Variants in CIZ1 observed in about 807,000 individuals in gnomAD.
The protein encoded by CIZ1 is cip1-interacting zinc finger protein.
CIZ1 carries 58 observed loss-of-function variants against 118.6 expected under a neutral mutation model. The observed-to-expected ratio is 0.49, with a 90% CI of 0.40 to 0.61. CIZ1 has a LOEUF of 0.61. Among genes scored for constraint, CIZ1 ranks in the 20% least tolerant of loss-of-function variants. The pLI, the probability that CIZ1 is intolerant of heterozygous loss-of-function variation, is 0.00. For synonymous variants in CIZ1, 448 were observed against 443.4 expected, an observed-to-expected ratio of 1.01 and a Z score of -0.13; for missense variants, 921 against 1,115.9, an observed-to-expected ratio of 0.83 and a Z score of 2.49.
chr9:128,188,246 G>A lies in CIZ1; in HGVS notation c.287-312C>T, dbSNP rs571768080. On this transcript the variant is annotated intron_variant, in intron 3 of 16. Coordinates refer to ENST00000372938, the MANE Select transcript of CIZ1 (RefSeq NM_001131016.2). Reference sequence around the variant, plus strand: ...CAGATGATCAAATCCTATGGTAAACGATCATGCCATTCTATTCAGTGACAA... The same window carrying A: ...CAGATGATCAAATCCTATGGTAAACAATCATGCCATTCTATTCAGTGACAA... Among the ~76,000 whole-genome samples the A allele has an allele frequency of 6.6e-5, 10 of 151,872 alleles. No homozygotes were observed. The South Asian group carries it at 1.7e-3, about 25-fold the overall frequency.
intron 14 of CIZ1, chr9:128,167,512 A>G: frequency 4.6e-6 from 1 of 219,532 alleles, no homozygotes; most frequent in Non-Finnish European, 9.0e-6. Flanking sequence ...ACTAAGAAGA[A>G]ACTGAGGCCC....
At chr9:128,191,655 C>T (rs1288070808), upstream of CIZ1, 9 of 1,245,038 alleles carry the variant, frequency 7.2e-6, no homozygotes, top group East Asian at 2.9e-4. The surrounding 1 kb of genome is among the most constrained non-coding windows in gnomAD (Gnocchi z 5.5). Flanking sequence ...CCACCCGAGC[C>T]CGCCCAGTGC....
intron 5 of CIZ1, among the ~76,000 whole-genome samples, chr9:128,184,339 CA>C (rs1441578487): frequency 6.6e-6 from 1 of 152,098 alleles, no homozygotes; most frequent in Admixed American, 6.5e-5. Flanking sequence ...ATATTGATGA[CA>C]GGTCGAAATG....
At position 128,203,737 on chromosome 9, in the gene CIZ1, C is replaced by A; in HGVS notation, c.-6+449G>T. ...CGACCTCGCAGCCCCCGACGCTGCA[C>A]CCGCGGCCGGCGCGCCCCCCACCCC... is the stretch of plus-strand genomic sequence containing the variant. On this transcript the variant is annotated intron_variant, in intron 1 of 17. Transcript: ENST00000372948. This position sits in a 1 kb window ranked among gnomAD's most constrained non-coding sequence, Gnocchi z 5.3. The A allele has an allele frequency of 9.0e-7, 1 of 1,116,546 alleles. No individual in the cohort carries two copies. Among genetic ancestry groups the A allele is most frequent in the South Asian group, 3.3e-5 (1 of 30,548 alleles). 69.2% of individuals were successfully genotyped at this position (1,116,546 alleles called of 1,614,324 possible). A position where few individuals can be genotyped will look rare whatever the true frequency, so the allele number is the denominator to read the frequency against.
chr9:128,174,172 C>G (rs45438092), intron 11 of CIZ1, among the ~76,000 whole-genome samples: 2,946 of 152,328 alleles, frequency 0.019, 93 homozygotes, highest in African/African-American at 0.066. Flanking sequence ...GGAACACCCC[C>G]CTGCCTTCCA....
upstream of CIZ1, among the ~76,000 whole-genome samples, chr9:128,194,886 T>C (rs894712049): frequency 6.6e-6 from 1 of 152,116 alleles, no homozygotes; most frequent in Non-Finnish European, 1.5e-5. Context: ...GGCACGATCA[T>C]AGCTCACTGC....
At chr9:128,176,329 G>A in intron 11 of CIZ1, 22 bp downstream of exon 11, 1 of 1,612,168 alleles carries the variant, frequency 6.2e-7, no homozygotes, top group Middle Eastern at 1.7e-4. Flanking sequence ...CCAACACAGA[G>A]CTTCCACGAT....
intron 5 of CIZ1, among the ~76,000 whole-genome samples, chr9:128,185,051 G>A (rs1564287744): frequency 6.6e-6 from 1 of 152,100 alleles, no homozygotes; most frequent in Non-Finnish European, 1.5e-5. Flanking sequence ...GGCTGAGGCG[G>A]GCGGATCACC....
chr9:128,166,604 C>T lies in CIZ1; in HGVS notation c.2487+155G>A, dbSNP rs1323413897. 21 of 1,093,998 alleles carry T rather than the reference C, an allele frequency of 1.9e-5. No homozygotes were observed. In the South Asian group the frequency reaches 2.4e-4, roughly 12 times the overall value. The allele number at this position is 1,093,998 out of a possible 1,614,324, so 67.8% of individuals were successfully genotyped here. On this transcript the variant is annotated intron_variant, in intron 16 of 16. Coordinates refer to ENST00000372938, the MANE Select transcript of CIZ1 (RefSeq NM_001131016.2). This position sits in a 1 kb window ranked among gnomAD's most constrained non-coding sequence, Gnocchi z 4.4. Reference sequence around the variant, plus strand: ...TCCCCTTGAACAATAAGAGCCCAACCCCACCCCAGCTCTAATTCTCTCCCT... The same window carrying T: ...TCCCCTTGAACAATAAGAGCCCAACTCCACCCCAGCTCTAATTCTCTCCCT...
intron 7 of CIZ1, among the ~76,000 whole-genome samples, chr9:128,180,176 A>G (rs1200415774): frequency 6.6e-6 from 1 of 152,064 alleles, no homozygotes; most frequent in African/African-American, 2.4e-5. Flanking sequence ...CCTCCCACGC[A>G]GCCATCCAGC....
In CIZ1 at chr9:128,203,376, G is replaced by A. The variant is rs2131059965; in HGVS notation, c.-6+810C>T. On this transcript the variant is annotated intron_variant, in intron 1 of 17. Transcript: ENST00000372948. The surrounding 1 kb of genome is among the most constrained non-coding windows in gnomAD (Gnocchi z 5.3). ...CGAGGGGCGGGGGCCCCGCGGCGCA[G>A]GCAGTCTGGGCGCGCGGCTGCAGCG... 1.7e-6 allele frequency: 2 copies of A among 1,207,922 alleles called. No individual in the cohort carries two copies. The highest frequency in any genetic ancestry group is 3.2e-4 in the Middle Eastern group (1 of 3,124). 74.8% of individuals were successfully genotyped at this position (1,207,922 alleles called of 1,614,324 possible).
At chr9:128,174,706 C>T (rs972733358) in intron 11 of CIZ1, among the ~76,000 whole-genome samples, 7 of 152,156 alleles carry the variant, frequency 4.6e-5, no homozygotes, top group African/African-American at 9.7e-5. Flanking sequence ...GTCACCCAGG[C>T]TGAAGTGCAG....
intron 11 of CIZ1, among the ~76,000 whole-genome samples, chr9:128,175,031 G>A (rs532193217): frequency 6.6e-6 from 1 of 152,264 alleles, no homozygotes; most frequent in South Asian, 2.1e-4. Flanking sequence ...ATTGGGAGAG[G>A]GTTTGATGAA....
chr9:128,195,481 C>A (rs1222604387), upstream of CIZ1, among the ~76,000 whole-genome samples: 2 of 152,112 alleles, frequency 1.3e-5, no homozygotes, highest in Non-Finnish European at 2.9e-5. Flanking sequence ...CCACACCCGG[C>A]TAATTTTTGT....
In CIZ1 at chr9:128,167,114, G is replaced by A. The variant is rs1352160365; in HGVS notation, c.2346C>T (p.Tyr782=). The change falls in exon 15 of 17, where the codon TAC becomes TAT. Residue 782 remains tyrosine (Y), a synonymous_variant. Coordinates refer to ENST00000372938, the MANE Select transcript of CIZ1 (RefSeq NM_001131016.2). ...SREEWKGSET[Y]SPNTAYGVDF... is the part of the protein sequence containing the mutation. ...CCTTACCATATGCAGTATTGGGGCTGTAGGTCTCCGAGCCCTTCCACTCCT... is the reference window on the plus strand; with the variant it reads ...CCTTACCATATGCAGTATTGGGGCTATAGGTCTCCGAGCCCTTCCACTCCT... 9 of 1,602,672 alleles carry A rather than the reference G, an allele frequency of 5.6e-6. No individual in the cohort carries two copies. The highest frequency in any genetic ancestry group is 7.7e-6 in the Non-Finnish European group (9 of 1,174,312).
chr9:128,172,923 G>A (rs1830319365), intron 11 of CIZ1, among the ~76,000 whole-genome samples: 1 of 152,116 alleles, frequency 6.6e-6, no homozygotes, highest in Non-Finnish European at 1.5e-5. Flanking sequence ...TTAGATTTTA[G>A]GATTTAGGGA....
rs771467210 is a variant in CIZ1 at position 128,169,079 on chromosome 9, G to C, written c.2268C>G (p.Ile756Met). ...GCTTGCAGAGTTCCTCCTCAACCTC[G>C]ATCTCTTCTTCATCCTCATCATCCT... ...EEEDDEDEEE[I>M]EVEEELCKQV... Residue 756 changes from isoleucine to methionine, a missense_variant, in exon 14 of 17, where the codon ATC becomes ATG. Transcript: ENST00000372938. The C allele has an allele frequency of 3.1e-6, 5 of 1,613,876 alleles. No homozygotes were observed. In the African/African-American group the frequency reaches 4.0e-5, roughly 13 times the overall value.
intron 10 of CIZ1, among the ~76,000 whole-genome samples, chr9:128,176,940 T>C (rs1830933226): frequency 6.6e-6 from 1 of 152,232 alleles, no homozygotes; most frequent in Non-Finnish European, 1.5e-5. Flanking sequence ...AGTCTCGCTC[T>C]GTTACCCAGG....
At chr9:128,194,084 C>T (rs1040768926), upstream of CIZ1, among the ~76,000 whole-genome samples, 5 of 151,972 alleles carry the variant, frequency 3.3e-5, no homozygotes, top group South Asian at 2.1e-4. Context: ...AATCTTGGGC[C>T]GATGCAGTGG....
Sources: gnomAD v4.1 joint callset for allele counts (sites outside exome capture counted in the v4.1 genomes callset) on GRCh38, gnomAD v4.1.1 for gene constraint, Gnocchi (gnomAD v3.1) non-coding constraint, MANE v1.5 for transcripts, NCBI Gene and HGNC (gene_info 2026-07-23, HGNC 2026-07-21) for gene names.